Variants in PTPRD observed in about 807,000 individuals in gnomAD.
PTPRD encodes receptor-type tyrosine-protein phosphatase delta.
PTPRD carries 34 observed loss-of-function variants against 214.5 expected under a neutral mutation model. The observed-to-expected ratio is 0.16, with a 90% CI of 0.12 to 0.21. The LOEUF (loss-of-function observed/expected upper bound fraction) is 0.21, where lower values mean the gene tolerates loss of function less well. Ranked by LOEUF, PTPRD falls within the 10% of genes least tolerant of loss-of-function variation. PTPRD has a pLI of 1.00. For missense variants in PTPRD, 2,545 were observed against 2,398.7 expected, an observed-to-expected ratio of 1.06 and a Z score of -1.27; for synonymous variants, 1,128 against 845.7, an observed-to-expected ratio of 1.33 and a Z score of -5.79.
At chr9:9,916,228 G>A (rs770089490) in intron 5 of PTPRD, among the ~76,000 whole-genome samples, 16 of 151,948 alleles carry the variant, frequency 1.1e-4, no homozygotes, top group Non-Finnish European at 1.9e-4. Context: ...AAATGTTCAA[G>A]AGAATTGTAG....
At chr9:9,334,775 C>T (rs984576277) in intron 9 of PTPRD, among the ~76,000 whole-genome samples, 2 of 151,868 alleles carry the variant, frequency 1.3e-5, no homozygotes, top group African/African-American at 4.8e-5. Flanking sequence ...TCATCATCCT[C>T]ATCCCAACCA....
At chr9:9,196,326 T>C (rs912839835) in intron 9 of PTPRD, among the ~76,000 whole-genome samples, 2 of 152,190 alleles carry the variant, frequency 1.3e-5, no homozygotes, top group Non-Finnish European at 2.9e-5. Context: ...ATTGATCATT[T>C]TATATGTATT....
chr9:10,130,782 G>A (rs2098864214), intron 3 of PTPRD, among the ~76,000 whole-genome samples: 1 of 152,106 alleles, frequency 6.6e-6, no homozygotes, highest in Admixed American at 6.6e-5. Context: ...ACTATAGTGT[G>A]CAGATATGAT....
chr9:10,489,900 C>G (rs1395250420), intron 2 of PTPRD, among the ~76,000 whole-genome samples: 1 of 152,138 alleles, frequency 6.6e-6, no homozygotes, highest in Non-Finnish European at 1.5e-5. Context: ...ATTGGTGACT[C>G]CAGACTATTT....
chr9:9,305,819 T>C (rs1239308758), intron 9 of PTPRD, among the ~76,000 whole-genome samples: 1 of 152,094 alleles, frequency 6.6e-6, no homozygotes, highest in African/African-American at 2.4e-5. Context: ...CATGTGCCAA[T>C]CAGAGATTAA....
Position 8,341,099 on chromosome 9 carries a change from T to C in PTPRD, c.5117A>G (p.Asp1706Gly). The C allele has an allele frequency of 6.2e-7, 1 of 1,609,198 alleles. No homozygotes were observed. The highest frequency in any genetic ancestry group is 8.5e-7 in the Non-Finnish European group (1 of 1,177,786). ...GSDYINASFI[D>G]GYRQQKAYIA... ...GAGCAAAAGTAGATACCTGTATCCA[T>C]CAATAAAACTGGCATTGATGTAATC... The change falls in exon 41 of 46, where the codon GAT (aspartate) becomes GGT (glycine). Residue 1706 changes from aspartate (D) to glycine (G), a missense_variant. Coordinates refer to ENST00000381196, the MANE Select transcript of PTPRD (RefSeq NM_002839.4).
At chr9:10,053,188 G>C (rs2097564640) in intron 3 of PTPRD, among the ~76,000 whole-genome samples, 1 of 152,154 alleles carries the variant, frequency 6.6e-6, no homozygotes, top group Non-Finnish European at 1.5e-5. Context: ...TTAAAAGGAT[G>C]ATTTATTGTT....
intron 3 of PTPRD, among the ~76,000 whole-genome samples, chr9:10,166,149 G>A (rs1046743342): frequency 5.5e-5 from 8 of 146,278 alleles, no homozygotes; most frequent in African/African-American, 1.3e-4. Flanking sequence ...TTTAAAATAC[G>A]TATCCATAAT....
intron 9 of PTPRD, among the ~76,000 whole-genome samples, chr9:9,295,573 A>G (rs768021418): frequency 2.6e-5 from 4 of 151,798 alleles, no homozygotes; most frequent in Non-Finnish European, 5.9e-5. Flanking sequence ...ATGAAGAGAG[A>G]TTTTTAAGAG....
intron 3 of PTPRD, among the ~76,000 whole-genome samples, chr9:10,207,634 T>G (rs945497768): frequency 1.3e-5 from 2 of 151,942 alleles, no homozygotes; most frequent in Non-Finnish European, 2.9e-5. Flanking sequence ...TGTTTGTAGT[T>G]TTTTAAATAT....
intron 3 of PTPRD, among the ~76,000 whole-genome samples, chr9:10,035,135 A>T (rs574763038): frequency 3.4e-4 from 51 of 152,224 alleles, no homozygotes; most frequent in African/African-American, 1.2e-3. Context: ...ACTTTTAATA[A>T]TAGCCATTTT....
chr9:9,371,263 G>T (rs753777194), intron 9 of PTPRD, among the ~76,000 whole-genome samples: 1 of 151,988 alleles, frequency 6.6e-6, no homozygotes, highest in South Asian at 2.1e-4. Flanking sequence ...TGGTTGGTAA[G>T]GTATTAATTA....
At chr9:9,468,683 A>C (rs894743469) in intron 8 of PTPRD, among the ~76,000 whole-genome samples, 1 of 152,124 alleles carries the variant, frequency 6.6e-6, no homozygotes, top group African/African-American at 2.4e-5. Context: ...TGATATTTTA[A>C]AATTTTAATT....
intron 3 of PTPRD, among the ~76,000 whole-genome samples, chr9:10,155,523 G>A (rs1456189049): frequency 4.6e-5 from 7 of 152,144 alleles, no homozygotes; most frequent in African/African-American, 1.7e-4. Context: ...CTTGTCTTGT[G>A]ACAGTTTTCA....
chr9:8,435,915 T>C (rs972845865), intron 35 of PTPRD, among the ~76,000 whole-genome samples: 3 of 152,216 alleles, frequency 2.0e-5, no homozygotes, highest in Non-Finnish European at 4.4e-5. Flanking sequence ...AAGGATAAGA[T>C]AATATACACA....
chr9:10,282,391 A>G (rs2095164213), intron 3 of PTPRD, among the ~76,000 whole-genome samples: 1 of 152,174 alleles, frequency 6.6e-6, no homozygotes, highest in Admixed American at 6.5e-5. Flanking sequence ...AAACAAGGAT[A>G]CTTTTTCACT....
At chr9:8,771,856 T>C (rs1335877770) in intron 11 of PTPRD, among the ~76,000 whole-genome samples, 1 of 151,838 alleles carries the variant, frequency 6.6e-6, no homozygotes, top group African/African-American at 2.4e-5. Flanking sequence ...AGTCATTTAC[T>C]AACATCATCT....
intron 11 of PTPRD, among the ~76,000 whole-genome samples, chr9:8,854,879 TAAAGA>T (rs1285054800): frequency 2.6e-5 from 4 of 152,176 alleles, no homozygotes; most frequent in Admixed American, 1.3e-4. Context: ...ATCAGTCCAA[TAAAGA>T]AAAGTTATTA....
At chr9:9,634,226 G>C (rs569358409) in intron 7 of PTPRD, among the ~76,000 whole-genome samples, 1 of 152,130 alleles carries the variant, frequency 6.6e-6, no homozygotes, top group East Asian at 1.9e-4. Flanking sequence ...AACGTTGGTG[G>C]ATATACTGAA....
Sources: gnomAD v4.1 joint callset for allele counts (sites outside exome capture counted in the v4.1 genomes callset) on GRCh38, gnomAD v4.1.1 for gene constraint, MANE v1.5 for transcripts, NCBI Gene and HGNC (gene_info 2026-07-23, HGNC 2026-07-21) for gene names.